Variants in BTF3L4 observed in about 807,000 individuals in gnomAD.
BTF3L4 encodes the protein basic transcription factor 3 like 4.
In BTF3L4, 6 loss-of-function variants were observed where a neutral mutation model predicts 16.8. The observed-to-expected ratio is 0.36, with a 90% CI of 0.20 to 0.71. The LOEUF (loss-of-function observed/expected upper bound fraction) is 0.71. Among genes scored for constraint, BTF3L4 ranks in the 30% least tolerant of loss-of-function variants. The pLI, the probability that BTF3L4 is intolerant of heterozygous loss-of-function variation, is 0.58. For synonymous variants in BTF3L4, 39 were observed against 59.8 expected (o/e 0.65, Z 1.60); for missense variants, 92 against 186.9 (o/e 0.49, Z 2.96).
At chr1:52,074,231 C>T (rs1395147677) in intron 3 of BTF3L4, among the ~76,000 whole-genome samples, 2 of 151,956 alleles carry the variant, frequency 1.3e-5, no homozygotes, top group Middle Eastern at 3.4e-3. Context: ...TAGAGTCTCA[C>T]TCTATGCCCA....
At chr1:52,079,098 A>C (rs924329186) in intron 3 of BTF3L4, among the ~76,000 whole-genome samples, 1 of 152,220 alleles carries the variant, frequency 6.6e-6, no homozygotes, top group African/African-American at 2.4e-5. Flanking sequence ...CCAAAATGGT[A>C]GGAGAGGTGT....
rs1250459981 is a variant in BTF3L4, at chr1:52,089,351, T to G, written c.*2593T>G. 1 of 152,152 alleles carries G rather than the reference T, an allele frequency of 6.6e-6. No homozygotes were observed. Among genetic ancestry groups the G allele is most frequent in the East Asian group, 1.9e-4 (1 of 5,192 alleles). 9.4% of individuals were successfully genotyped at this position (152,152 alleles called of 1,614,324 possible). A position where few individuals can be genotyped will look rare whatever the true frequency, so the allele number is the denominator to read the frequency against. Reference sequence around the variant, plus strand: ...GCCAATATTCTTTTTTGTTCTATATTTTTGTATCTTCCCCTTTCCTGAACA... The same window carrying G: ...GCCAATATTCTTTTTTGTTCTATATGTTTGTATCTTCCCCTTTCCTGAACA... On this transcript the variant is annotated 3_prime_UTR_variant, in exon 6 of 6. Transcript: ENST00000313334.
chr1:52,067,213 A>C (rs1372504100), intron 3 of BTF3L4, among the ~76,000 whole-genome samples: 1 of 152,236 alleles, frequency 6.6e-6, no homozygotes, highest in East Asian at 1.9e-4. Context: ...TGTCTGAAAA[A>C]AAATAATAAT....
At chr1:52,058,032 T>C (rs1240276641) in intron 1 of BTF3L4, among the ~76,000 whole-genome samples, 3 of 151,004 alleles carry the variant, frequency 2.0e-5, no homozygotes, top group African/African-American at 7.3e-5. Context: ...CCTTAGCCCC[T>C]TTTTTTTTGC....
chr1:52,088,208 T>C lies in BTF3L4; in HGVS notation c.*1450T>C, dbSNP rs1643989353. The C allele has an allele frequency of 6.6e-6, 1 of 152,642 alleles. No homozygotes were observed. Among genetic ancestry groups the C allele is most frequent in the African/African-American group, 2.4e-5 (1 of 41,458 alleles). The allele number at this position is 152,642 out of a possible 1,614,324, so 9.5% of individuals were successfully genotyped here. A position where few individuals can be genotyped will look rare whatever the true frequency, so the allele number is the denominator to read the frequency against. On this transcript the variant is annotated 3_prime_UTR_variant, in exon 6 of 6. Transcript: ENST00000313334. ...ACCAACTTTTGTGTCAAGCTAGATA[T>C]CTTTATTTGATATCTAAGGTGCAAG... is the stretch of plus-strand genomic sequence containing the variant.
intron 2 of BTF3L4, among the ~76,000 whole-genome samples, chr1:52,064,618 GAAAA>G (rs1405209204): frequency 6.6e-6 from 1 of 151,840 alleles, no homozygotes. Flanking sequence ...AGCTGATAAG[GAAAA>G]AAAAGGAACT....
At chr1:52,078,321 C>T (rs1234911308) in intron 3 of BTF3L4, among the ~76,000 whole-genome samples, 2 of 149,620 alleles carry the variant, frequency 1.3e-5, no homozygotes, top group Non-Finnish European at 3.0e-5. Context: ...CCTCAGTTTC[C>T]CTAAGTGCTG....
At chr1:52,084,785 C>G (rs1159595373) in intron 4 of BTF3L4, among the ~76,000 whole-genome samples, 1 of 141,438 alleles carries the variant, frequency 7.1e-6, no homozygotes, top group Non-Finnish European at 1.5e-5. Flanking sequence ...AGGGGGGAGA[C>G]CCTGTCTCTA....
intron 3 of BTF3L4, among the ~76,000 whole-genome samples, chr1:52,069,884 T>C (rs960763943): frequency 6.6e-6 from 1 of 152,048 alleles, no homozygotes; most frequent in Admixed American, 6.6e-5. Flanking sequence ...TGATTTTTTT[T>C]CCCCCTTCCA....
chr1:52,083,066 A>G (rs1014214209), intron 3 of BTF3L4, among the ~76,000 whole-genome samples: 1 of 152,150 alleles, frequency 6.6e-6, no homozygotes, highest in African/African-American at 2.4e-5. Flanking sequence ...AAACATGGTC[A>G]TGTACTTCCT....
chr1:52,081,879 T>C (rs536302698), intron 3 of BTF3L4, among the ~76,000 whole-genome samples: 11 of 152,206 alleles, frequency 7.2e-5, no homozygotes, highest in Non-Finnish European at 1.5e-4. Context: ...GCCTGAAATT[T>C]AGAAGCCCCT....
chr1:52,088,135 A>G lies in BTF3L4; in HGVS notation c.*1377A>G, dbSNP rs373071776. 2.7e-4 allele frequency: 42 copies of G among 152,728 alleles called. No individual in the cohort carries two copies. The highest frequency in any genetic ancestry group is 9.4e-4 in the African/African-American group (39 of 41,550). The allele number at this position is 152,728 out of a possible 1,614,324, so 9.5% of individuals were successfully genotyped here. On this transcript the variant is annotated 3_prime_UTR_variant, in exon 6 of 6. Transcript: ENST00000313334. ...TTTAAGGACAAAATTTAGAAAATAT[A>G]TCATTTCCTGGCCCATCATCAAACT...
chr1:52,082,582 A>C (rs1456965956), intron 3 of BTF3L4, among the ~76,000 whole-genome samples: 1 of 152,108 alleles, frequency 6.6e-6, no homozygotes, highest in African/African-American at 2.4e-5. Flanking sequence ...TAAAAATACA[A>C]AAATTAGCTG....
At position 52,084,035 on chromosome 1, in the gene BTF3L4, A is replaced by C. The variant is rs1478576686; in HGVS notation, c.370+494A>C. Among the ~76,000 whole-genome samples, 4 of 151,752 alleles carry C rather than the reference A, an allele frequency of 2.6e-5. No homozygotes were observed. In the East Asian group the frequency reaches 7.7e-4, roughly 29 times the overall value. ...AACTCCGTCTCAAAAAAAAAAAAAA[A>C]GAATATTCGGAAACATTTTGGTAGT... is the stretch of plus-strand genomic sequence containing the variant. On this transcript the variant is annotated intron_variant, in intron 4 of 5. Transcript: ENST00000313334.
chr1:52,057,145 A>G (rs1572017251), intron 1 of BTF3L4, among the ~76,000 whole-genome samples: 1 of 152,208 alleles, frequency 6.6e-6, no homozygotes, highest in South Asian at 2.1e-4. Context: ...GAAGAAAAAT[A>G]CCTTTCCCAA....
rs375378089 is a variant in BTF3L4 at position 52,069,054 on chromosome 1, T to G, written c.168+4116T>G. ...ACACCTCACAACATCACGCAGAGAA[T>G]TAATGCCACATAATAGATATGTGGC... On this transcript the variant is annotated intron_variant, in intron 3 of 5. Transcript: ENST00000313334. Among the ~76,000 whole-genome samples, 5 of 152,288 alleles carry G rather than the reference T, an allele frequency of 3.3e-5. No homozygotes were observed. The East Asian group carries it at 9.6e-4, about 29-fold the overall frequency.
intron 3 of BTF3L4, among the ~76,000 whole-genome samples, chr1:52,078,591 A>G (rs1686990259): frequency 6.6e-6 from 1 of 152,192 alleles, no homozygotes; most frequent in Non-Finnish European, 1.5e-5. Context: ...TTTCACAGAG[A>G]AAGAAGCATC....
chr1:52,065,624 T>C (rs965521284), intron 3 of BTF3L4, among the ~76,000 whole-genome samples: 1 of 152,180 alleles, frequency 6.6e-6, no homozygotes, highest in African/African-American at 2.4e-5. Flanking sequence ...TAGACTTTTT[T>C]ACCCTAATGC....
At chr1:52,061,875 C>A (rs760882220) in intron 2 of BTF3L4, among the ~76,000 whole-genome samples, 33 of 151,842 alleles carry the variant, frequency 2.2e-4, no homozygotes, top group Non-Finnish European at 3.5e-4. Context: ...CTCCTGACCT[C>A]AGGTGATCTG....
Sources: allele counts gnomAD v4.1 joint callset (sites outside exome capture counted in the v4.1 genomes callset), GRCh38; gene constraint gnomAD v4.1.1; transcripts MANE v1.5; gene names NCBI Gene and HGNC (gene_info 2026-07-23, HGNC 2026-07-21).